Variants in BRINP3 observed in about 807,000 individuals in gnomAD.
BRINP3 encodes BMP/retinoic acid inducible neural specific 3, also known as BMP/retinoic acid-inducible neural-specific protein 3.
A neutral mutation model predicts 71.0 loss-of-function variants in BRINP3; 19 were observed. The observed-to-expected ratio is 0.27, with a 90% CI of 0.19 to 0.39. The LOEUF is 0.39. Ranked by LOEUF, BRINP3 falls within the 10% of genes least tolerant of loss-of-function variation. The probability of loss-of-function intolerance (pLI) is 1.00; values close to 1 mark genes in which losing one functional copy is unlikely to be tolerated. For missense variants in BRINP3, 959 were observed against 940.8 expected, an observed-to-expected ratio of 1.02 and a Z score of -0.25; for synonymous variants, 380 against 337.7, an observed-to-expected ratio of 1.13 and a Z score of -1.37.
At chr1:190,326,470 A>G (rs1482438984) in intron 2 of BRINP3, among the ~76,000 whole-genome samples, 2 of 152,216 alleles carry the variant, frequency 1.3e-5, no homozygotes, top group African/African-American at 4.8e-5. Flanking sequence ...ACAAAATACT[A>G]TACAAAATAA....
chr1:190,209,261 A>C (rs749796033), intron 6 of BRINP3, among the ~76,000 whole-genome samples: 65 of 152,252 alleles, frequency 4.3e-4, no homozygotes, highest in Admixed American at 1.2e-3. Flanking sequence ...ACCACAACTA[A>C]AAAGTTCTAG....
intron 7 of BRINP3, among the ~76,000 whole-genome samples, chr1:190,135,879 TCTAA>T (rs1158222423): frequency 3.3e-5 from 5 of 152,104 alleles, no homozygotes; most frequent in East Asian, 3.9e-4. Context: ...TGAATATTTC[TCTAA>T]CTCTCTTATC....
intron 2 of BRINP3, among the ~76,000 whole-genome samples, chr1:190,284,974 A>T (rs1437333174): frequency 6.6e-6 from 1 of 152,166 alleles, no homozygotes; most frequent in Non-Finnish European, 1.5e-5. Flanking sequence ...AAAGCAAAAT[A>T]CTACACCATT....
At chr1:190,108,977 G>A (rs1424590314) in intron 7 of BRINP3, among the ~76,000 whole-genome samples, 1 of 152,078 alleles carries the variant, frequency 6.6e-6, no homozygotes, top group Non-Finnish European at 1.5e-5. Flanking sequence ...CATCTGTTCA[G>A]TTAGCAGGGA....
chr1:190,196,934 T>TTTATAA (rs939470503), intron 6 of BRINP3, among the ~76,000 whole-genome samples: 143 of 149,174 alleles, frequency 9.6e-4, no homozygotes, highest in Admixed American at 2.6e-3. Context: ...TAATAAATTA[T>TTTATAA]TTATAATATA....
intron 2 of BRINP3, among the ~76,000 whole-genome samples, chr1:190,353,579 T>G (rs1015060200): frequency 6.6e-6 from 1 of 152,058 alleles, no homozygotes. Context: ...ATTTTGGCTA[T>G]CAAAGTTTCT....
intron 2 of BRINP3, among the ~76,000 whole-genome samples, chr1:190,290,024 T>A (rs568264014): frequency 6.6e-5 from 10 of 152,180 alleles, no homozygotes; most frequent in Middle Eastern, 3.4e-3. Flanking sequence ...AATATTCTCA[T>A]GTGAGCTAAA....
intron 2 of BRINP3, among the ~76,000 whole-genome samples, chr1:190,371,945 A>G (rs1355304347): frequency 6.6e-6 from 1 of 152,136 alleles, no homozygotes; most frequent in African/African-American, 2.4e-5. Flanking sequence ...CATAAGCTTC[A>G]GGGGCTTCCT....
intron 1 of BRINP3, among the ~76,000 whole-genome samples, chr1:190,470,852 T>C (rs957897435): frequency 1.3e-5 from 2 of 151,216 alleles, no homozygotes; most frequent in Non-Finnish European, 3.0e-5. Flanking sequence ...GGAAAAGATA[T>C]TGATTAGTAA....
intron 3 of BRINP3, among the ~76,000 whole-genome samples, chr1:190,278,185 T>C (rs1351124999): frequency 6.6e-6 from 1 of 151,726 alleles, no homozygotes. Flanking sequence ...CAACTTGTTT[T>C]GAAAAGCATT....
At chr1:190,213,280 C>T (rs1656137866) in intron 6 of BRINP3, among the ~76,000 whole-genome samples, 1 of 151,970 alleles carries the variant, frequency 6.6e-6, no homozygotes, top group Non-Finnish European at 1.5e-5. Flanking sequence ...CACCGTGAGC[C>T]CCCATCCTGT....
At chr1:190,112,553 G>C (rs1464247564) in intron 7 of BRINP3, among the ~76,000 whole-genome samples, 3 of 152,092 alleles carry the variant, frequency 2.0e-5, no homozygotes, top group South Asian at 2.1e-4. Context: ...TACATTTACA[G>C]TCTTGGATTA....
At chr1:190,286,951 G>A (rs1663471900) in intron 2 of BRINP3, among the ~76,000 whole-genome samples, 1 of 152,000 alleles carries the variant, frequency 6.6e-6, no homozygotes. Context: ...GGGCACAGTG[G>A]CTCATGCCTG....
At chr1:190,337,254 T>G (rs1667352072) in intron 2 of BRINP3, among the ~76,000 whole-genome samples, 1 of 152,028 alleles carries the variant, frequency 6.6e-6, no homozygotes, top group Non-Finnish European at 1.5e-5. Flanking sequence ...TTCCCTATGC[T>G]TTGTTAGCTT....
chr1:190,464,152 A>G (rs1248812545), intron 1 of BRINP3, among the ~76,000 whole-genome samples: 3 of 151,898 alleles, frequency 2.0e-5, no homozygotes, highest in South Asian at 2.1e-4. Context: ...TTTTTAAAAA[A>G]AAAAGTAAAC....
chr1:190,286,937 G>A (rs1310569485), intron 2 of BRINP3, among the ~76,000 whole-genome samples: 5 of 151,950 alleles, frequency 3.3e-5, no homozygotes, highest in Non-Finnish European at 7.4e-5. Context: ...CATTTTTACT[G>A]GCTGGGCACA....
chr1:190,425,148 T>A (rs1342493644), intron 2 of BRINP3, among the ~76,000 whole-genome samples: 1 of 151,510 alleles, frequency 6.6e-6, no homozygotes, highest in Non-Finnish European at 1.5e-5. Context: ...ACAGACAATA[T>A]AGGTGATAGT....
Position 190,465,157 on chromosome 1 carries a change from C to A in BRINP3, c.-50-10217G>T, listed in dbSNP as rs564955321. Among the ~76,000 whole-genome samples, 15 of 151,992 alleles carry A rather than the reference C, an allele frequency of 9.9e-5. No individual in the cohort carries two copies. In the South Asian group the frequency reaches 3.1e-3, roughly 31 times the overall value. On this transcript the variant is annotated intron_variant, in intron 1 of 7. Coordinates refer to ENST00000367462, the MANE Select transcript of BRINP3 (RefSeq NM_199051.3). ...AGGTTTTCTGATAAATATAAAATATCATGGTGTTTCAACGTAGATGATCAT... is the reference window on the plus strand; with the variant it reads ...AGGTTTTCTGATAAATATAAAATATAATGGTGTTTCAACGTAGATGATCAT...
intron 7 of BRINP3, among the ~76,000 whole-genome samples, chr1:190,151,021 C>A (rs763860575): frequency 1.3e-5 from 2 of 151,924 alleles, no homozygotes; most frequent in Non-Finnish European, 1.5e-5. Context: ...GTGGTGTGTG[C>A]GTGTAATATC....
Sources: allele counts gnomAD v4.1 joint callset (sites outside exome capture counted in the v4.1 genomes callset), GRCh38; gene constraint gnomAD v4.1.1; transcripts MANE v1.5; gene names NCBI Gene and HGNC (gene_info 2026-07-23, HGNC 2026-07-21).